The following DPP6 variants were observed in gnomAD, a reference collection of about 807,000 sequenced individuals.
DPP6 encodes the protein dipeptidyl peptidase like 6.
Under a neutral mutation model 122.6 loss-of-function variants are expected in DPP6, and 69 were observed. That is an observed-to-expected ratio of 0.56 (90% CI 0.46 to 0.69). DPP6 has a LOEUF of 0.69. Ranked by LOEUF, DPP6 falls within the 30% of genes least tolerant of loss-of-function variation. The pLI is 0.00. For synonymous variants in DPP6, 418 were observed against 433.1 expected (o/e 0.97, Z 0.43); for missense variants, 928 against 1,116.9 (o/e 0.83, Z 2.41).
chr7:154,515,863 C>T (rs1826453141), intron 3 of DPP6, among the ~76,000 whole-genome samples: 1 of 152,122 alleles, frequency 6.6e-6, no homozygotes, highest in African/African-American at 2.4e-5. Context: ...CACGGAGGCC[C>T]AGATGATCAC....
chr7:153,818,796 G>T, the DPP6 span, among the ~76,000 whole-genome samples: 14 of 152,094 alleles, frequency 9.2e-5, no homozygotes, highest in Admixed American at 3.3e-4. Flanking sequence ...CTGTCGCCCA[G>T]GCTGGAGTCC....
At chr7:154,730,342 G>A (rs369954370) in intron 8 of DPP6, among the ~76,000 whole-genome samples, 6 of 152,048 alleles carry the variant, frequency 3.9e-5, no homozygotes, top group East Asian at 1.9e-4. Flanking sequence ...GCCCAGTCAC[G>A]GGACATGACA....
chr7:154,647,972 C>G (rs369860853), intron 6 of DPP6, among the ~76,000 whole-genome samples: 1 of 151,896 alleles, frequency 6.6e-6, no homozygotes, highest in African/African-American at 2.4e-5. Context: ...TGAGCCTGGC[C>G]GGGCACAGTG....
At chr7:153,754,423 T>G in the DPP6 span, among the ~76,000 whole-genome samples, 1 of 152,270 alleles carries the variant, frequency 6.6e-6, no homozygotes, top group Non-Finnish European at 1.5e-5. Context: ...GTGAAGTCAT[T>G]TGATTCATAG....
At chr7:154,692,368 GT>G (rs1839977643) in intron 7 of DPP6, among the ~76,000 whole-genome samples, 1 of 152,220 alleles carries the variant, frequency 6.6e-6, no homozygotes, top group African/African-American at 2.4e-5. Context: ...GGTAATGTAT[GT>G]AATTAAGTCA....
chr7:154,197,531 A>G (rs7784466), intron 1 of DPP6, among the ~76,000 whole-genome samples: 107,819 of 151,982 alleles, frequency 0.71, 40,482 homozygotes, highest in Non-Finnish European at 0.82. Context: ...CGCTTTTGCA[A>G]ACAAGAGGTA....
chr7:154,287,822 G>A (rs76013021), intron 1 of DPP6, among the ~76,000 whole-genome samples: 1 of 152,306 alleles, frequency 6.6e-6, no homozygotes, highest in African/African-American at 2.4e-5. Flanking sequence ...GCATCCTGGA[G>A]GGAAGGTTGT....
At chr7:154,647,018 G>A (rs1049711563) in intron 6 of DPP6, among the ~76,000 whole-genome samples, 7 of 152,192 alleles carry the variant, frequency 4.6e-5, no homozygotes, top group Middle Eastern at 3.2e-3. Context: ...ATGCCCAGGA[G>A]TCCTCATTTG....
intron 1 of DPP6, among the ~76,000 whole-genome samples, chr7:153,899,760 A>G (rs561079155): frequency 6.6e-6 from 1 of 152,348 alleles, no homozygotes; most frequent in Admixed American, 6.5e-5. Context: ...CACTGACTCC[A>G]TGTGAGTGTG....
chr7:154,645,293 C>T (rs1586799668), intron 6 of DPP6, among the ~76,000 whole-genome samples: 1 of 151,846 alleles, frequency 6.6e-6, no homozygotes, highest in Admixed American at 6.6e-5. Flanking sequence ...TCTCGATCTC[C>T]TGACCTCGTG....
At chr7:154,545,762 A>C (rs1053397060) in intron 4 of DPP6, among the ~76,000 whole-genome samples, 10 of 152,186 alleles carry the variant, frequency 6.6e-5, no homozygotes, top group African/African-American at 2.4e-4. Context: ...TGAGGAAACT[A>C]AGAATTTCTA....
chr7:154,255,581 G>A (rs539588565), intron 1 of DPP6, among the ~76,000 whole-genome samples: 6,863 of 152,222 alleles, frequency 0.045, 433 homozygotes, highest in African/African-American at 0.14. Flanking sequence ...AGGCCCAGGC[G>A]TCTCATCTCT....
intron 1 of DPP6, among the ~76,000 whole-genome samples, chr7:154,326,131 T>A (rs1445180004): frequency 6.6e-6 from 1 of 152,212 alleles, no homozygotes; most frequent in Non-Finnish European, 1.5e-5. Context: ...CAAATGTTGA[T>A]CAATTAACTC....
chr7:154,768,391 C>G (rs942843092), intron 8 of DPP6, among the ~76,000 whole-genome samples: 2 of 152,218 alleles, frequency 1.3e-5, no homozygotes, highest in African/African-American at 4.8e-5. Flanking sequence ...AATCACCTTT[C>G]TACACTACAG....
intron 1 of DPP6, among the ~76,000 whole-genome samples, chr7:154,197,526 T>C (rs1386630428): frequency 6.6e-6 from 1 of 152,140 alleles, no homozygotes; most frequent in Non-Finnish European, 1.5e-5. Flanking sequence ...GATTTCGCTT[T>C]TGCAAACAAG....
intron 1 of DPP6, among the ~76,000 whole-genome samples, chr7:154,004,063 T>C (rs1797800485): frequency 6.6e-6 from 1 of 152,174 alleles, no homozygotes; most frequent in Non-Finnish European, 1.5e-5. Flanking sequence ...TAGTGATCTC[T>C]CTGGACCCTG....
At chr7:154,218,167 G>C (rs887807677) in intron 1 of DPP6, among the ~76,000 whole-genome samples, 4 of 152,174 alleles carry the variant, frequency 2.6e-5, no homozygotes, top group Non-Finnish European at 5.9e-5. Context: ...TTTGAATAGA[G>C]GGTGAGTTGG....
At chr7:154,652,160 G>A (rs748660243) in intron 6 of DPP6, among the ~76,000 whole-genome samples, 7 of 152,194 alleles carry the variant, frequency 4.6e-5, no homozygotes, top group East Asian at 1.9e-4. Context: ...AATTATGCCC[G>A]GCACCAGGAT....
chr7:154,671,866 A>ACACACATACACGTG, intron 7 of DPP6, among the ~76,000 whole-genome samples: 1 of 118,110 alleles, frequency 8.5e-6, no homozygotes, highest in Admixed American at 8.2e-5. Context: ...ACACACATGC[A>ACACACATACACGTG]CACACACACA....
Sources: allele counts gnomAD v4.1 joint callset (sites outside exome capture counted in the v4.1 genomes callset), GRCh38; gene constraint gnomAD v4.1.1; transcripts MANE v1.5; gene names NCBI Gene and HGNC (gene_info 2026-07-23, HGNC 2026-07-21).